The following CUX2 variants were observed in gnomAD, a reference collection of about 807,000 sequenced individuals.
CUX2 encodes the protein homeobox protein cut-like 2.
A neutral mutation model predicts 144.8 loss-of-function variants in CUX2; 40 were observed. That is an observed-to-expected ratio of 0.28 (90% confidence interval 0.21 to 0.36). The LOEUF is 0.36. Ranked by LOEUF, CUX2 falls within the 10% of genes least tolerant of loss-of-function variation. The probability of loss-of-function intolerance (pLI) is 1.00; values close to 1 mark genes in which losing one functional copy is unlikely to be tolerated. For synonymous variants in CUX2, 827 were observed against 875.6 expected, an observed-to-expected ratio of 0.94 and a Z score of 0.98; for missense variants, 1,615 against 1,994.0, an observed-to-expected ratio of 0.81 and a Z score of 3.62.
At chr12:111,276,689 T>C (rs1243357629) in intron 4 of CUX2, among the ~76,000 whole-genome samples, 1 of 152,212 alleles carries the variant, frequency 6.6e-6, no homozygotes, top group Admixed American at 6.5e-5. Context: ...AGCCTCACTC[T>C]GTTGCCCAGG....
chr12:111,138,887 G>A (rs1283661577), intron 1 of CUX2, among the ~76,000 whole-genome samples: 1 of 151,934 alleles, frequency 6.6e-6, no homozygotes, highest in African/African-American at 2.4e-5. Flanking sequence ...TCCCAGGGGC[G>A]ACACTGGACT....
intron 1 of CUX2, among the ~76,000 whole-genome samples, chr12:111,165,865 A>T (rs1259750332): frequency 1.3e-5 from 2 of 152,224 alleles, no homozygotes; most frequent in African/African-American, 4.8e-5. Flanking sequence ...CCAGCATCCT[A>T]CTGGTGAAAT....
At chr12:111,301,782 T>G (rs1381060458) in intron 9 of CUX2, among the ~76,000 whole-genome samples, 3 of 152,242 alleles carry the variant, frequency 2.0e-5, no homozygotes, top group Non-Finnish European at 4.4e-5. Flanking sequence ...TGAGCCACCA[T>G]GCCCAGCCCC....
Position 111,035,652 on chromosome 12 carries a change from A to G in CUX2, c.63+1412A>G, listed in dbSNP as rs1247036313. On this transcript the variant is annotated intron_variant, in intron 1 of 21. Coordinates refer to ENST00000261726, the MANE Select transcript of CUX2 (RefSeq NM_015267.4). The surrounding 1 kb of genome is among the most constrained non-coding windows in gnomAD (Gnocchi z 6.0). ...TTTAATCCGCCGGCAAATCTCGTTAAGTTTCTTCTGATAAGTGGTTCCAGC... is the reference window on the plus strand; with the variant it reads ...TTTAATCCGCCGGCAAATCTCGTTAGGTTTCTTCTGATAAGTGGTTCCAGC... 1.3e-5 allele frequency among the ~76,000 whole-genome samples: 2 copies of G among 148,388 alleles called. No homozygotes were observed. Among genetic ancestry groups the G allele is most frequent in the Non-Finnish European group, 3.0e-5 (2 of 67,644 alleles).
chr12:111,098,018 C>A (rs1004546836), intron 1 of CUX2, among the ~76,000 whole-genome samples: 3 of 152,098 alleles, frequency 2.0e-5, no homozygotes, highest in Non-Finnish European at 2.9e-5. Flanking sequence ...CATTGAAGGG[C>A]GTAAGCTTGG....
At chr12:111,345,765 A>C (rs966990093) in intron 21 of CUX2, among the ~76,000 whole-genome samples, 1 of 151,762 alleles carries the variant, frequency 6.6e-6, no homozygotes, top group African/African-American at 2.4e-5. Flanking sequence ...TTCACGAAAA[A>C]GAAAAAAAAA....
At chr12:111,179,593 GGTTGTTGTT>G (rs150316221) in intron 1 of CUX2, among the ~76,000 whole-genome samples, 22 of 151,382 alleles carry the variant, frequency 1.5e-4, no homozygotes, top group Non-Finnish European at 2.5e-4. Context: ...CCATCGCCGT[GGTTGTTGTT>G]GTTGTTGTTG....
intron 1 of CUX2, among the ~76,000 whole-genome samples, chr12:111,175,248 T>A (rs1481514768): frequency 6.6e-6 from 1 of 152,120 alleles, no homozygotes; most frequent in African/African-American, 2.4e-5. Flanking sequence ...AATTCCTCAG[T>A]AAAGACCCAT....
intron 3 of CUX2, among the ~76,000 whole-genome samples, chr12:111,219,080 G>C (rs1308623252): frequency 1.3e-5 from 2 of 152,136 alleles, no homozygotes; most frequent in Non-Finnish European, 2.9e-5. Context: ...CACCAGAGGG[G>C]ATGCATTTTA....
At chr12:111,341,490 C>T (rs1038777600) in intron 20 of CUX2, among the ~76,000 whole-genome samples, 9 of 152,128 alleles carry the variant, frequency 5.9e-5, no homozygotes, top group Non-Finnish European at 1.5e-5. Flanking sequence ...CTGTAGAGCA[C>T]CCTGTTTCAA....
intron 1 of CUX2, among the ~76,000 whole-genome samples, chr12:111,199,016 G>A (rs771604383): frequency 6.6e-6 from 1 of 152,168 alleles, no homozygotes; most frequent in African/African-American, 2.4e-5. Flanking sequence ...CGTTTTGAGC[G>A]ACTCACTCCA....
Position 111,320,008 on chromosome 12 carries a change from G to A in CUX2, c.2003-4G>A. 2.7e-6 allele frequency: 4 copies of A among 1,503,762 alleles called. No homozygotes were observed. The highest frequency in any genetic ancestry group is 2.6e-6 in the Non-Finnish European group (3 of 1,133,260). 93.2% of individuals were successfully genotyped at this position (1,503,762 alleles called of 1,614,324 possible). On this transcript the variant is annotated splice_region_variant and splice_polypyrimidine_tract_variant and intron_variant, in intron 16 of 21. Coordinates refer to ENST00000261726, the MANE Select transcript of CUX2 (RefSeq NM_015267.4). The surrounding 1 kb of genome is among the most constrained non-coding windows in gnomAD (Gnocchi z 8.1). ...CTCGGGCCGTCCTGTCCCCCTCCCCGCAGGCGAGCCCAAGACCTCGGTGGC... is the reference window on the plus strand; with the variant it reads ...CTCGGGCCGTCCTGTCCCCCTCCCCACAGGCGAGCCCAAGACCTCGGTGGC...
At chr12:111,168,097 A>G (rs73415915) in intron 1 of CUX2, among the ~76,000 whole-genome samples, 7,045 of 152,208 alleles carry the variant, frequency 0.046, 533 homozygotes, top group African/African-American at 0.16. Flanking sequence ...GTCCGGAGCC[A>G]AGCTGGCTGG....
At chr12:111,248,909 G>T (rs1342355649) in intron 3 of CUX2, among the ~76,000 whole-genome samples, 1 of 152,204 alleles carries the variant, frequency 6.6e-6, no homozygotes, top group African/African-American at 2.4e-5. Context: ...CTTTATGGAG[G>T]TATAATTTAC....
chr12:111,070,393 TTTCC>T (rs143464416), intron 1 of CUX2, among the ~76,000 whole-genome samples: 4,312 of 99,276 alleles, frequency 0.043, 138 homozygotes, highest in African/African-American at 0.092. Context: ...TCCTTCCTTC[TTTCC>T]TTCCTTCCTT....
At chr12:111,142,108 G>A (rs1394056317) in intron 1 of CUX2, among the ~76,000 whole-genome samples, 1 of 152,146 alleles carries the variant, frequency 6.6e-6, no homozygotes, top group Non-Finnish European at 1.5e-5. Context: ...ACTATTGCCT[G>A]GGGGCAGGGC....
intron 3 of CUX2, among the ~76,000 whole-genome samples, chr12:111,240,934 C>A (rs1020891525): frequency 2.0e-5 from 3 of 152,144 alleles, no homozygotes; most frequent in Admixed American, 6.5e-5. Context: ...AGCAGTTGGG[C>A]AGAGATGCCA....
At chr12:111,284,465 C>T (rs1244951639) in intron 4 of CUX2, among the ~76,000 whole-genome samples, 14 of 152,162 alleles carry the variant, frequency 9.2e-5, no homozygotes, top group Non-Finnish European at 1.2e-4. Flanking sequence ...GCATTGGTCC[C>T]TTCTGGCCTC....
intron 1 of CUX2, among the ~76,000 whole-genome samples, chr12:111,170,137 A>C (rs1191801270): frequency 2.0e-5 from 3 of 152,190 alleles, no homozygotes; most frequent in African/African-American, 7.2e-5. Context: ...TCCCAGGATG[A>C]GAGTATTAAG....
Sources: allele counts gnomAD v4.1 joint callset (sites outside exome capture counted in the v4.1 genomes callset), GRCh38; gene constraint gnomAD v4.1.1; non-coding constraint Gnocchi (gnomAD v3.1); transcripts MANE v1.5; gene names NCBI Gene and HGNC (gene_info 2026-07-23, HGNC 2026-07-21).